The following LHPP variants were observed in gnomAD, a reference collection of about 807,000 sequenced individuals.
The protein encoded by LHPP is phospholysine phosphohistidine inorganic pyrophosphate phosphatase.
Under a neutral mutation model 30.3 loss-of-function variants are expected in LHPP, and 24 were observed. The ratio of observed to expected loss-of-function variants is 0.79; its 90% CI spans 0.57 to 1.11. The LOEUF (loss-of-function observed/expected upper bound fraction) is 1.11. LHPP is among the 50% of genes most tolerant of loss of function. The pLI, the probability that LHPP is intolerant of heterozygous loss-of-function variation, is 0.00. For synonymous variants in LHPP, 150 were observed against 157.1 expected (o/e 0.95, Z 0.34); for missense variants, 356 against 367.2 (o/e 0.97, Z 0.25).
chr10:124,571,894 G>A (rs891617459), intron 6 of LHPP, among the ~76,000 whole-genome samples: 2 of 152,224 alleles, frequency 1.3e-5, no homozygotes, highest in African/African-American at 4.8e-5. Context: ...TTAAACAGGT[G>A]GGTTCAGGTG....
At chr10:124,587,146 C>G (rs1948814821) in intron 6 of LHPP, among the ~76,000 whole-genome samples, 1 of 151,716 alleles carries the variant, frequency 6.6e-6, no homozygotes, top group Admixed American at 6.6e-5. Context: ...ATTCTCCTGC[C>G]TCAGCCTCCC....
At chr10:124,572,177 C>T (rs1197510158) in intron 6 of LHPP, among the ~76,000 whole-genome samples, 3 of 152,172 alleles carry the variant, frequency 2.0e-5, no homozygotes, top group African/African-American at 4.8e-5. Context: ...AGAGCAATGA[C>T]CTGCCTTCAG....
At chr10:124,537,659 G>A (rs1370441964) in intron 6 of LHPP, among the ~76,000 whole-genome samples, 1 of 152,186 alleles carries the variant, frequency 6.6e-6, no homozygotes, top group East Asian at 1.9e-4. Flanking sequence ...AGCTGCCCCC[G>A]CTTCTCAGAC....
chr10:124,591,131 G>A (rs1309888734), intron 6 of LHPP, among the ~76,000 whole-genome samples: 1 of 152,192 alleles, frequency 6.6e-6, no homozygotes, highest in African/African-American at 2.4e-5. Context: ...CTGCTTCGGG[G>A]TCCAGTCCTG....
chr10:124,517,212 C>T lies in LHPP; in HGVS notation c.657C>T (p.Asp219=), dbSNP rs1564804976. 1.4e-5 allele frequency: 22 copies of T among 1,606,200 alleles called. No individual in the cohort carries two copies. Among genetic ancestry groups the T allele is most frequent in the Non-Finnish European group, 1.7e-5 (20 of 1,176,624 alleles). Reference sequence around the variant, plus strand: ...TGATTGGGGACGATATCGTGGGCGACGTCGGCGGTGCCCAGCGGTGTGGAA... The same window carrying T: ...TGATTGGGGACGATATCGTGGGCGATGTCGGCGGTGCCCAGCGGTGTGGAA... The part of the protein sequence containing the change: ...AVMIGDDIVG[D]VGGAQRCGMR... Residue 219 remains aspartate (D), a synonymous_variant, in exon 6 of 7, where the codon GAC becomes GAT. Coordinates refer to ENST00000368842, the MANE Select transcript of LHPP (RefSeq NM_022126.4). The surrounding 1 kb of genome is among the most constrained non-coding windows in gnomAD (Gnocchi z 4.1).
chr10:124,586,927 AT>A (rs552692411), intron 6 of LHPP, among the ~76,000 whole-genome samples: 2 of 149,834 alleles, frequency 1.3e-5, no homozygotes, highest in African/African-American at 2.5e-5. Flanking sequence ...CATCTCATGG[AT>A]TTTTTTTTAA....
intron 5 of LHPP, 51 bp downstream of exon 5, chr10:124,498,179 G>GGCC: frequency 5.8e-6 from 9 of 1,564,314 alleles, no homozygotes; most frequent in Non-Finnish European, 7.9e-6. Context: ...CCGTCAGGGA[G>GGCC]GCCCTGGAGC....
chr10:124,571,939 T>G (rs906562608), intron 6 of LHPP, among the ~76,000 whole-genome samples: 1 of 152,028 alleles, frequency 6.6e-6, no homozygotes, highest in African/African-American at 2.4e-5. Context: ...AACCAAGACC[T>G]AGGGGGGTGA....
chr10:124,600,475 CCT>C (rs1299608057), intron 6 of LHPP, among the ~76,000 whole-genome samples: 1 of 152,228 alleles, frequency 6.6e-6, no homozygotes, highest in Non-Finnish European at 1.5e-5. Flanking sequence ...CATGCCCACA[CCT>C]CTCAGTCTGG....
chr10:124,578,883 T>A (rs4962388), intron 6 of LHPP, among the ~76,000 whole-genome samples: 1 of 152,148 alleles, frequency 6.6e-6, no homozygotes, highest in Non-Finnish European at 1.5e-5. Flanking sequence ...TAGCTTTGGC[T>A]CCACCCATCT....
chr10:124,580,455 G>A (rs1156341421), intron 6 of LHPP, among the ~76,000 whole-genome samples: 1 of 152,186 alleles, frequency 6.6e-6, no homozygotes, highest in Non-Finnish European at 1.5e-5. Flanking sequence ...GTGTGAGGTA[G>A]GGATTTGATT....
intron 6 of LHPP, among the ~76,000 whole-genome samples, chr10:124,569,086 C>T (rs931997041): frequency 6.6e-6 from 1 of 152,146 alleles, no homozygotes; most frequent in South Asian, 2.1e-4. Flanking sequence ...GGTCTGTGCC[C>T]TGGGGTCTTG....
intron 6 of LHPP, among the ~76,000 whole-genome samples, chr10:124,547,616 G>A (rs1454274870): frequency 6.6e-6 from 1 of 152,268 alleles, no homozygotes. Flanking sequence ...CCCTGGCCTG[G>A]ATGCTGTAGC....
At chr10:124,585,639 AAAAG>A (rs983707071) in intron 6 of LHPP, among the ~76,000 whole-genome samples, 6 of 152,094 alleles carry the variant, frequency 3.9e-5, no homozygotes, top group Middle Eastern at 3.4e-3. Flanking sequence ...AAAAAGAAAA[AAAAG>A]AAAAGATAAG....
chr10:124,461,834 C>A lies in LHPP; in HGVS notation c.-29C>A, dbSNP rs756259426. 3.3e-6 allele frequency: 4 copies of A among 1,229,328 alleles called. No individual in the cohort carries two copies. The highest frequency in any genetic ancestry group is 1.0e-6 in the Non-Finnish European group (1 of 983,086). The allele number at this position is 1,229,328 out of a possible 1,614,324, so 76.2% of individuals were successfully genotyped here. On this transcript the variant is annotated 5_prime_UTR_variant, in exon 1 of 7. Coordinates refer to ENST00000368842, the MANE Select transcript of LHPP (RefSeq NM_022126.4). ...GCGCCGGCGCCGGCGTCGGTTGGGA[C>A]GCGGAGCTGAGGAGCAGGGCCGGGC...
Position 124,488,529 on chromosome 10 carries a change from G to C in LHPP, c.421G>C (p.Val141Leu). Reference sequence around the variant, plus strand: ...TCAAAACATGAATAACGCCTTCCAGGTGCTCATGGAGCTGGAAAAACCTGT... The same window carrying C: ...TCAAAACATGAATAACGCCTTCCAGCTGCTCATGGAGCTGGAAAAACCTGT... ...SYQNMNNAFQVLMELEKPVLI... is the reference protein window; with the variant it reads ...SYQNMNNAFQLLMELEKPVLI... Residue 141 changes from valine (V) to leucine (L), a missense_variant, in exon 3 of 7, where the codon GTG (valine) becomes CTG (leucine). Physicochemically the swap from Val to Leu is conservative, Grantham distance 32. Coordinates refer to ENST00000368842, the MANE Select transcript of LHPP (RefSeq NM_022126.4). 6.2e-7 allele frequency: 1 copy of C among 1,613,786 alleles called. No individual in the cohort carries two copies. The highest frequency in any genetic ancestry group is 1.1e-5 in the South Asian group (1 of 91,044).
At chr10:124,584,329 A>T (rs1948775655) in intron 6 of LHPP, among the ~76,000 whole-genome samples, 1 of 150,776 alleles carries the variant, frequency 6.6e-6, no homozygotes. Flanking sequence ...CCACTATTGC[A>T]TTCCAGCCTG....
At chr10:124,583,760 A>G (rs542420211) in intron 6 of LHPP, among the ~76,000 whole-genome samples, 1 of 152,124 alleles carries the variant, frequency 6.6e-6, no homozygotes, top group African/African-American at 2.4e-5. Flanking sequence ...CATGACCCAA[A>G]CACCTCCCAC....
intron 6 of LHPP, among the ~76,000 whole-genome samples, chr10:124,553,511 T>C (rs1191694699): frequency 7.8e-6 from 1 of 127,684 alleles, no homozygotes; most frequent in African/African-American, 3.0e-5. Context: ...CAGGCTGGAG[T>C]GCCGTGGCAC....
Sources: allele counts gnomAD v4.1 joint callset (sites outside exome capture counted in the v4.1 genomes callset), GRCh38; gene constraint gnomAD v4.1.1; non-coding constraint Gnocchi (gnomAD v3.1); transcripts MANE v1.5; gene names NCBI Gene and HGNC (gene_info 2026-07-23, HGNC 2026-07-21).